The following RGS5 variants were observed in gnomAD, a reference collection of about 807,000 sequenced individuals.
The protein encoded by RGS5 is regulator of G protein signaling 5, also known as regulator of G-protein signalling 5.
RGS5 carries 20 observed loss-of-function variants against 18.9 expected under a neutral mutation model. The ratio of observed to expected loss-of-function variants is 1.06; its 90% CI spans 0.74 to 1.54. RGS5 has a LOEUF of 1.54. Ranked by LOEUF, RGS5 falls within the 40% of genes most tolerant of loss-of-function variation. The pLI is 0.00. For missense variants in RGS5, 201 were observed against 211.8 expected, an observed-to-expected ratio of 0.95 and a Z score of 0.32; for synonymous variants, 57 against 76.2, an observed-to-expected ratio of 0.75 and a Z score of 1.31.
chr1:163,161,370 C>A (rs777579234), intron 3 of RGS5, among the ~76,000 whole-genome samples: 1 of 152,152 alleles, frequency 6.6e-6, no homozygotes, highest in African/African-American at 2.4e-5. Flanking sequence ...AGAGTCTGCA[C>A]TGATCAGCAC....
chr1:163,265,245 G>C (rs532455629), intron 2 of RGS5, among the ~76,000 whole-genome samples: 48 of 152,030 alleles, frequency 3.2e-4, no homozygotes, highest in South Asian at 1.7e-3. Context: ...AAGTTCATAG[G>C]GGGAAAAAAG....
chr1:163,290,446 GCATAA>G (rs1159641614), intron 2 of RGS5, among the ~76,000 whole-genome samples: 1 of 152,054 alleles, frequency 6.6e-6, no homozygotes, highest in Non-Finnish European at 1.5e-5. Flanking sequence ...CAAAACTATT[GCATAA>G]CATTTCTTCA....
upstream of RGS5, among the ~76,000 whole-genome samples, chr1:163,219,062 A>C (rs1660277376): frequency 6.6e-6 from 1 of 152,186 alleles, no homozygotes; most frequent in Admixed American, 6.5e-5. Context: ...AGTAAAGAAA[A>C]TAGATCAGCA....
upstream of RGS5, among the ~76,000 whole-genome samples, chr1:163,203,296 G>A (rs529259189): frequency 9.2e-5 from 14 of 152,244 alleles, no homozygotes; most frequent in East Asian, 1.7e-3. Flanking sequence ...CCTGGAGATC[G>A]TTTAGCCCAC....
chr1:163,252,449 G>A (rs1232907735), intron 2 of RGS5, among the ~76,000 whole-genome samples: 2 of 151,904 alleles, frequency 1.3e-5, no homozygotes, highest in Non-Finnish European at 2.9e-5. Context: ...ACTACATTTC[G>A]ACGTTTCTCA....
chr1:163,157,863 A>T (rs775512979), intron 3 of RGS5, among the ~76,000 whole-genome samples: 6 of 151,980 alleles, frequency 3.9e-5, no homozygotes, highest in Admixed American at 6.6e-5. Context: ...TGTTTTTCAG[A>T]GATGGGGTCT....
intron 2 of RGS5, among the ~76,000 whole-genome samples, chr1:163,268,214 C>T (rs895797341): frequency 2.6e-5 from 4 of 152,110 alleles, no homozygotes; most frequent in African/African-American, 7.2e-5. Flanking sequence ...AAACAATACC[C>T]TCCTTATTGG....
chr1:163,309,702 A>G (rs760002086), intron 1 of RGS5, among the ~76,000 whole-genome samples: 5 of 152,230 alleles, frequency 3.3e-5, no homozygotes, highest in Non-Finnish European at 7.3e-5. Context: ...TTCCTATTAT[A>G]ATAAATTGAC....
At chr1:163,271,066 G>C (rs1648705418) in intron 2 of RGS5, among the ~76,000 whole-genome samples, 1 of 152,028 alleles carries the variant, frequency 6.6e-6, no homozygotes, top group Non-Finnish European at 1.5e-5. Context: ...TAGGACATTT[G>C]TTATTGCCTC....
chr1:163,226,150 C>T (rs1252749580), intron 2 of RGS5, among the ~76,000 whole-genome samples: 1 of 150,584 alleles, frequency 6.6e-6, no homozygotes, highest in East Asian at 1.9e-4. Flanking sequence ...AAACTCCCAA[C>T]CTCAGGTGAT....
chr1:163,220,087 T>C (rs1252910473), upstream of RGS5, among the ~76,000 whole-genome samples: 1 of 152,226 alleles, frequency 6.6e-6, no homozygotes, highest in Non-Finnish European at 1.5e-5. Flanking sequence ...CTGTTTATAA[T>C]TTTAGCTATT....
chr1:163,177,068 G>T (rs768361597), intron 1 of RGS5, among the ~76,000 whole-genome samples: 1 of 152,230 alleles, frequency 6.6e-6, no homozygotes, highest in African/African-American at 2.4e-5. Flanking sequence ...CGTGCTAGAA[G>T]TGAGTGTTTA....
upstream of RGS5, among the ~76,000 whole-genome samples, chr1:163,205,345 T>TAAAAAAA (rs35747068): frequency 5.5e-5 from 4 of 72,718 alleles, no homozygotes; most frequent in Non-Finnish European, 7.8e-5. Flanking sequence ...TTAACCACAG[T>TAAAAAAA]AAAAAAAAAA....
At chr1:163,232,755 G>A (rs1647514756) in intron 2 of RGS5, among the ~76,000 whole-genome samples, 2 of 152,128 alleles carry the variant, frequency 1.3e-5, no homozygotes, top group Non-Finnish European at 2.9e-5. Context: ...CATCAGAACA[G>A]GTTTCAGAAA....
intron 2 of RGS5, among the ~76,000 whole-genome samples, chr1:163,270,796 T>C (rs1040598929): frequency 3.3e-5 from 5 of 152,286 alleles, no homozygotes; most frequent in Admixed American, 1.3e-4. Flanking sequence ...AAATTTCCCA[T>C]GAACTTTTCC....
intron 1 of RGS5, among the ~76,000 whole-genome samples, chr1:163,201,341 A>G (rs1659764559): frequency 6.6e-6 from 1 of 152,136 alleles, no homozygotes; most frequent in African/African-American, 2.4e-5. Flanking sequence ...GTAAGAGGAA[A>G]GAACAGGCTA....
chr1:163,268,425 T>C (rs1370256505), intron 2 of RGS5, among the ~76,000 whole-genome samples: 1 of 152,104 alleles, frequency 6.6e-6, no homozygotes, highest in Non-Finnish European at 1.5e-5. Flanking sequence ...GACTATGTCT[T>C]ATTTTCTGTA....
chr1:163,191,993 G>T (rs575628353), intron 1 of RGS5, among the ~76,000 whole-genome samples: 1 of 152,278 alleles, frequency 6.6e-6, no homozygotes, highest in South Asian at 2.1e-4. Context: ...GGGGCTAGGA[G>T]GGTGGTGTGC....
At chr1:163,246,284 C>A (rs951954209) in intron 2 of RGS5, among the ~76,000 whole-genome samples, 1 of 145,780 alleles carries the variant, frequency 6.9e-6, no homozygotes, top group Non-Finnish European at 1.5e-5. Flanking sequence ...AATAGCCAAG[C>A]ACAGGGCCAG....
Sources: allele counts gnomAD v4.1 joint callset (sites outside exome capture counted in the v4.1 genomes callset), GRCh38; gene constraint gnomAD v4.1.1; transcripts MANE v1.5; gene names NCBI Gene and HGNC (gene_info 2026-07-23, HGNC 2026-07-21).